VRK2: variants seen among roughly 807,000 people sequenced by gnomAD.
VRK2 encodes serine/threonine-protein kinase VRK2.
In VRK2, 60 loss-of-function variants were observed where a neutral mutation model predicts 57.6. The observed-to-expected ratio is 1.04, with a 90% CI of 0.85 to 1.29. The LOEUF (loss-of-function observed/expected upper bound fraction) is 1.29. VRK2 is among the 50% of genes most tolerant of loss of function. The probability of loss-of-function intolerance (pLI) is 0.00; values close to 1 mark genes in which losing one functional copy is unlikely to be tolerated. For missense variants in VRK2, 705 were observed against 588.1 expected, an observed-to-expected ratio of 1.20 and a Z score of -2.06; for synonymous variants, 231 against 199.2, an observed-to-expected ratio of 1.16 and a Z score of -1.35.
chr2:58,132,521 A>C (rs1426938179), intron 9 of VRK2, among the ~76,000 whole-genome samples: 1 of 152,220 alleles, frequency 6.6e-6, no homozygotes, highest in Non-Finnish European at 1.5e-5. Context: ...TCAGACTAAG[A>C]ACAGGGTGTG....
chr2:58,022,217 A>G (rs1673779327), intron 1 of VRK2, among the ~76,000 whole-genome samples: 2 of 152,232 alleles, frequency 1.3e-5, no homozygotes, highest in South Asian at 4.1e-4. Flanking sequence ...GCACCCAGAC[A>G]ATGACTGAGA....
chr2:57,997,187 G>T (rs1282497337), intron 1 of VRK2, among the ~76,000 whole-genome samples: 1 of 152,066 alleles, frequency 6.6e-6, no homozygotes, highest in African/African-American at 2.4e-5. Context: ...CCTTTGAGTT[G>T]CTCAGGGATT....
intron 1 of VRK2, among the ~76,000 whole-genome samples, chr2:57,943,408 G>C (rs984091874): frequency 5.3e-5 from 8 of 152,170 alleles, no homozygotes; most frequent in Admixed American, 2.6e-4. Flanking sequence ...AGATTTACAA[G>C]TCAGGCTGTT....
intron 7 of VRK2, among the ~76,000 whole-genome samples, chr2:58,109,613 C>A (rs917166806): frequency 1.3e-5 from 2 of 152,138 alleles, no homozygotes; most frequent in African/African-American, 2.4e-5. Context: ...TGAAAAGCCC[C>A]TTATAAAACC....
At chr2:58,140,300 C>G (rs941243104) in intron 11 of VRK2, among the ~76,000 whole-genome samples, 2 of 151,972 alleles carry the variant, frequency 1.3e-5, no homozygotes, top group East Asian at 3.9e-4. Flanking sequence ...TGCCAGAGAT[C>G]TAGGTTAAAA....
chr2:57,936,503 T>C (rs1485726933), intron 1 of VRK2, among the ~76,000 whole-genome samples: 14 of 151,632 alleles, frequency 9.2e-5, no homozygotes. Flanking sequence ...TGCTTTCATT[T>C]TTTTGTTTTG....
At chr2:58,093,373 G>A (rs1672647940) in intron 7 of VRK2, among the ~76,000 whole-genome samples, 1 of 152,040 alleles carries the variant, frequency 6.6e-6, no homozygotes, top group Admixed American at 6.5e-5. Flanking sequence ...GTGTGAGATG[G>A]TATCTCATTG....
chr2:58,036,700 C>A (rs756753336), intron 3 of VRK2, among the ~76,000 whole-genome samples: 1 of 151,914 alleles, frequency 6.6e-6, no homozygotes, highest in Admixed American at 6.6e-5. Flanking sequence ...TCATATATAT[C>A]ACGCTATATT....
chr2:58,001,551 G>C (rs1446364556), intron 1 of VRK2, among the ~76,000 whole-genome samples: 1 of 152,134 alleles, frequency 6.6e-6, no homozygotes, highest in Non-Finnish European at 1.5e-5. Flanking sequence ...GCCCATTGTG[G>C]TGGCTCACAC....
At chr2:58,002,205 G>C (rs536603172) in intron 1 of VRK2, among the ~76,000 whole-genome samples, 1 of 152,236 alleles carries the variant, frequency 6.6e-6, no homozygotes, top group African/African-American at 2.4e-5. Flanking sequence ...TAAAGGCTGG[G>C]CGTGGTGGTT....
At chr2:58,066,293 G>A (rs1668599132) in intron 2 of VRK2, among the ~76,000 whole-genome samples, 1 of 152,132 alleles carries the variant, frequency 6.6e-6, no homozygotes, top group East Asian at 1.9e-4. Flanking sequence ...TCATAAAAGG[G>A]TGTTGAATTT....
rs1413092653 is a variant in VRK2, at chr2:58,146,562, G to A, written c.1182+88G>A. ...GAATAAAAACATCTTATTTTCTCCTGAGGGCCAAGGTTGTATGGTTTTGTT... is the reference window on the plus strand; with the variant it reads ...GAATAAAAACATCTTATTTTCTCCTAAGGGCCAAGGTTGTATGGTTTTGTT... On this transcript the variant is annotated intron_variant, in intron 12 of 12. Transcript: ENST00000340157. 29 of 1,442,098 alleles carry A rather than the reference G, an allele frequency of 2.0e-5. No homozygotes were observed. The South Asian group carries it at 2.1e-4, about 10-fold the overall frequency. The allele number at this position is 1,442,098 out of a possible 1,614,324, so 89.3% of individuals were successfully genotyped here. A position where few individuals can be genotyped will look rare whatever the true frequency, so the allele number is the denominator to read the frequency against.
chr2:58,069,851 T>C (rs1206064624), intron 2 of VRK2, among the ~76,000 whole-genome samples: 4 of 152,210 alleles, frequency 2.6e-5, no homozygotes, highest in Admixed American at 6.5e-5. Context: ...CAGTGTCAAC[T>C]TTCAAGGTTT....
intron 1 of VRK2, among the ~76,000 whole-genome samples, chr2:58,019,329 T>C (rs1673679130): frequency 6.6e-6 from 1 of 152,326 alleles, no homozygotes; most frequent in East Asian, 1.9e-4. Context: ...TATCCGCTTT[T>C]TTTTAGGAAA....
chr2:57,937,203 A>C (rs978984679), intron 1 of VRK2, among the ~76,000 whole-genome samples: 3 of 152,230 alleles, frequency 2.0e-5, no homozygotes, highest in Admixed American at 1.3e-4. Flanking sequence ...AAAGACATAA[A>C]GTATCAAATA....
intron 1 of VRK2, among the ~76,000 whole-genome samples, chr2:57,908,537 T>C (rs1669896170): frequency 6.6e-6 from 1 of 152,064 alleles, no homozygotes; most frequent in Non-Finnish European, 1.5e-5. Flanking sequence ...AAACTTGAGC[T>C]CCATCATTTC....
At chr2:58,126,944 G>A (rs900800179) in intron 8 of VRK2, among the ~76,000 whole-genome samples, 13 of 152,008 alleles carry the variant, frequency 8.6e-5, no homozygotes, top group African/African-American at 1.4e-4. Flanking sequence ...GAGGCATGCA[G>A]TCAATACCTA....
intron 1 of VRK2, among the ~76,000 whole-genome samples, chr2:57,960,928 G>C: frequency 6.6e-6 from 1 of 152,144 alleles, no homozygotes. Context: ...AACCATTTCT[G>C]TTACCAGCTC....
chr2:57,913,549 G>A (rs1670056258), intron 1 of VRK2, among the ~76,000 whole-genome samples: 1 of 151,990 alleles, frequency 6.6e-6, no homozygotes, highest in South Asian at 2.1e-4. Context: ...CAGTTTTGTG[G>A]CCTAGCTAGA....
Sources: gnomAD v4.1 joint callset for allele counts (sites outside exome capture counted in the v4.1 genomes callset) on GRCh38, gnomAD v4.1.1 for gene constraint, MANE v1.5 for transcripts, NCBI Gene and HGNC (gene_info 2026-07-23, HGNC 2026-07-21) for gene names.